AKAP9: variants seen among roughly 807,000 people sequenced by gnomAD.
AKAP9 encodes the protein A-kinase anchor protein 9.
In AKAP9, 311 loss-of-function variants were observed where a neutral mutation model predicts 488.5. The observed-to-expected ratio is 0.64, with a 90% CI of 0.58 to 0.70. The LOEUF (loss-of-function observed/expected upper bound fraction) is 0.70. Ranked by LOEUF, AKAP9 falls within the 30% of genes least tolerant of loss-of-function variation. AKAP9 has a pLI of 0.00. For synonymous variants in AKAP9, 1,462 were observed against 1,483.5 expected (o/e 0.99, Z 0.33); for missense variants, 4,215 against 4,374.5 (o/e 0.96, Z 1.03).
At position 92,079,414 on chromosome 7, in the gene AKAP9, A is replaced by G. The variant is rs145915675; in HGVS notation, c.7281A>G (p.Thr2427=). The G allele has an allele frequency of 2.2e-5, 36 of 1,613,990 alleles. No individual in the cohort carries two copies. Among genetic ancestry groups the G allele is most frequent in the Non-Finnish European group, 3.1e-5 (36 of 1,179,998 alleles). The change falls in exon 31 of 50, where the codon ACA becomes ACG. Residue 2427 remains threonine, a synonymous_variant. Transcript: ENST00000356239. ...CCAATTTTAAAATGAATCAGCTAAC[A>G]CAGGAATTATTCAGCTTAAAGAGAG... is the stretch of plus-strand genomic sequence containing the variant. ...KETNFKMNQL[T]QELFSLKRER... is the part of the protein sequence containing the mutation.
chr7:91,951,819 G>A (rs1287386308), intron 1 of AKAP9, among the ~76,000 whole-genome samples: 1 of 152,036 alleles, frequency 6.6e-6, no homozygotes. Context: ...CGCTTGCAGT[G>A]AGCCAAGATC....
intron 24 of AKAP9, among the ~76,000 whole-genome samples, chr7:92,062,770 AG>A (rs1264271322): frequency 2.6e-5 from 4 of 152,250 alleles, no homozygotes; most frequent in Admixed American, 2.6e-4. Context: ...ATAATGAGGC[AG>A]GATATTTTAA....
At chr7:92,023,408 T>A (rs1802610459) in intron 14 of AKAP9, among the ~76,000 whole-genome samples, 1 of 152,232 alleles carries the variant, frequency 6.6e-6, no homozygotes, top group African/African-American at 2.4e-5. Flanking sequence ...TGTTGTCTCA[T>A]GTTCAAATTC....
chr7:92,030,486 C>G (rs1804033759), intron 15 of AKAP9, among the ~76,000 whole-genome samples: 1 of 151,944 alleles, frequency 6.6e-6, no homozygotes, highest in Non-Finnish European at 1.5e-5. Context: ...ACTAAAAATA[C>G]AAAAAATTAG....
rs563079801 is a variant in AKAP9 at position 92,086,618 on chromosome 7, G to C, written c.9213+202G>C. Reference sequence around the variant, plus strand: ...GTTAATGAGCTTATTTTCTAACCTAGGAAATTAGAAAAAGAGCAACAGAAT... The same window carrying C: ...GTTAATGAGCTTATTTTCTAACCTACGAAATTAGAAAAAGAGCAACAGAAT... On this transcript the variant is annotated intron_variant, in intron 37 of 49. Transcript: ENST00000356239. Among the ~76,000 whole-genome samples, 53 of 152,228 alleles carry C rather than the reference G, an allele frequency of 3.5e-4. No homozygotes were observed. The South Asian group carries it at 7.3e-3, about 21-fold the overall frequency.
At chr7:92,020,074 A>T (rs1257112570) in intron 12 of AKAP9, among the ~76,000 whole-genome samples, 4 of 152,154 alleles carry the variant, frequency 2.6e-5, no homozygotes, top group African/African-American at 4.8e-5. Flanking sequence ...AGATGAATAT[A>T]GCAAACAGGT....
intron 21 of AKAP9, among the ~76,000 whole-genome samples, chr7:92,052,301 T>C (rs900191579): frequency 3.3e-5 from 5 of 152,186 alleles, no homozygotes; most frequent in Admixed American, 2.6e-4. Flanking sequence ...AATGGCCTAC[T>C]CCACAATGCC....
intron 1 of AKAP9, among the ~76,000 whole-genome samples, chr7:91,943,286 T>C (rs1189622343): frequency 6.6e-6 from 1 of 152,018 alleles, no homozygotes; most frequent in Admixed American, 6.6e-5. Context: ...ATAAATATGA[T>C]GGAATATTTT....
chr7:92,072,324 C>T (rs1047337854), intron 28 of AKAP9, among the ~76,000 whole-genome samples: 2 of 152,144 alleles, frequency 1.3e-5, no homozygotes, highest in African/African-American at 2.4e-5. Context: ...AGGAGAGAAA[C>T]GGTAAATGAG....
intron 22 of AKAP9, 137 bp from the exon 23 acceptor site, chr7:92,061,123 C>G (rs1234479497): frequency 1.0e-6 from 1 of 997,776 alleles, no homozygotes; most frequent in Non-Finnish European, 1.5e-6. Context: ...TTAGCATACA[C>G]TGGCAATATC....
Position 92,077,731 on chromosome 7 carries a change from A to G in AKAP9, c.6801A>G (p.Glu2267=), listed in dbSNP as rs144538179. 1.2e-6 allele frequency: 2 copies of G among 1,613,872 alleles called. No homozygotes were observed. The highest frequency in any genetic ancestry group is 1.7e-6 in the Non-Finnish European group (2 of 1,179,892). The change falls in exon 30 of 50, where the codon GAA becomes GAG. Residue 2267 remains glutamate (E), a synonymous_variant. Coordinates refer to ENST00000356239, the MANE Select transcript of AKAP9 (RefSeq NM_005751.5). ...DMEKLGLAIK[E]SDAMSTQDQH... is the part of the protein sequence containing the mutation. ...AGAAACTGGGACTTGCCATAAAGGA[A>G]TCTGATGCCATGTCTACTCAAGACC...
At chr7:92,072,864 C>A (rs552233971) in intron 28 of AKAP9, among the ~76,000 whole-genome samples, 1 of 152,156 alleles carries the variant, frequency 6.6e-6, no homozygotes, top group South Asian at 2.1e-4. Flanking sequence ...ACACTTTCTT[C>A]CCGAGGACAG....
chr7:92,009,805 T>G (rs28516799), intron 8 of AKAP9, among the ~76,000 whole-genome samples: 18,247 of 152,188 alleles, frequency 0.12, 1,253 homozygotes, highest in East Asian at 0.37. Context: ...TAGTTCAACA[T>G]CTGAAAAATC....
In AKAP9 at chr7:92,086,483, C is replaced by T. The variant is rs907738161; in HGVS notation, c.9213+67C>T. The T allele has an allele frequency of 3.8e-6, 5 of 1,326,718 alleles. No individual in the cohort carries two copies. In the Admixed American group the frequency reaches 5.1e-5, roughly 14 times the overall value. 82.2% of individuals were successfully genotyped at this position (1,326,718 alleles called of 1,614,324 possible). ...AGGAAATGACTATTGATTTTAGAGT[C>T]TTAATTTAAGTATGAAGGTTAAGAT... is the stretch of plus-strand genomic sequence containing the variant. On this transcript the variant is annotated intron_variant, in intron 37 of 49. Transcript: ENST00000356239.
intron 28 of AKAP9, among the ~76,000 whole-genome samples, chr7:92,076,275 C>CT (rs756858109): frequency 7.4e-4 from 112 of 152,332 alleles, no homozygotes; most frequent in Non-Finnish European, 1.3e-3. Flanking sequence ...TAGGAGCTCT[C>CT]TAATTTTCTC....
At chr7:91,987,082 G>A (rs894533606) in intron 3 of AKAP9, among the ~76,000 whole-genome samples, 5 of 151,980 alleles carry the variant, frequency 3.3e-5, no homozygotes, top group Non-Finnish European at 7.4e-5. Flanking sequence ...CTATCTTACC[G>A]TGTGGAATAA....
Position 91,994,718 on chromosome 7 carries a change from T to C in AKAP9, c.674T>C (p.Met225Thr), listed in dbSNP as rs143717354. The change falls in exon 6 of 50, where the codon ATG becomes ACG. Residue 225 changes from methionine to threonine, a missense_variant. Coordinates refer to ENST00000356239, the MANE Select transcript of AKAP9 (RefSeq NM_005751.5). ...GCAAGAAGAGAAAAGGATGAGACAA[T>C]GAGAGAATTTTTAGAGTTGACAGAA... is the stretch of plus-strand genomic sequence containing the variant. ...QQARREKDET[M>T]REFLELTEQS... The C allele has an allele frequency of 6.8e-5, 110 of 1,613,266 alleles. No individual in the cohort carries two copies. In the African/African-American group the frequency reaches 1.3e-3, roughly 19 times the overall value.
chr7:92,086,172 A>G, intron 36 of AKAP9, 56 bp from the exon 37 acceptor site: 1 of 1,366,026 alleles, frequency 7.3e-7, no homozygotes. Flanking sequence ...TATTTTTAGA[A>G]TGTTTTTAAA....
intron 15 of AKAP9, 119 bp from the exon 16 acceptor site, chr7:92,031,393 A>G (rs772353791): frequency 1.5e-6 from 1 of 676,744 alleles, no homozygotes; most frequent in Non-Finnish European, 2.6e-6. Flanking sequence ...TTTTTTGCTG[A>G]AAGTATGTAG....
Sources: gnomAD v4.1 joint callset for allele counts (sites outside exome capture counted in the v4.1 genomes callset) on GRCh38, gnomAD v4.1.1 for gene constraint, MANE v1.5 for transcripts, NCBI Gene and HGNC (gene_info 2026-07-23, HGNC 2026-07-21) for gene names.